The following KCNQ3 variants were observed in gnomAD, a reference collection of about 807,000 sequenced individuals.
The protein encoded by KCNQ3 is potassium voltage-gated channel subfamily Q member 3, also known as potassium voltage-gated channel subfamily KQT member 3.
A neutral mutation model predicts 92.5 loss-of-function variants in KCNQ3; 30 were observed. The observed-to-expected ratio is 0.32, with a 90% CI of 0.24 to 0.44. KCNQ3 has a LOEUF of 0.44. Ranked by LOEUF, KCNQ3 falls within the 20% of genes least tolerant of loss-of-function variation. The pLI is 1.00. For missense variants in KCNQ3, 913 were observed against 1,140.3 expected (o/e 0.80, Z 2.87); for synonymous variants, 450 against 468.8 (o/e 0.96, Z 0.52).
intron 1 of KCNQ3, among the ~76,000 whole-genome samples, chr8:132,368,251 C>T (rs1819377369): frequency 6.6e-6 from 1 of 152,140 alleles, no homozygotes; most frequent in Non-Finnish European, 1.5e-5. Flanking sequence ...TGAGGACTTG[C>T]TATAATAGGA....
chr8:132,291,223 G>C (rs1217567148), intron 1 of KCNQ3, among the ~76,000 whole-genome samples: 1 of 152,200 alleles, frequency 6.6e-6, no homozygotes, highest in African/African-American at 2.4e-5. Context: ...ACACCTAGTG[G>C]CTGAACAATA....
intron 1 of KCNQ3, among the ~76,000 whole-genome samples, chr8:132,335,552 GGT>G (rs1411410898): frequency 1.3e-5 from 2 of 152,158 alleles, no homozygotes; most frequent in African/African-American, 4.8e-5. Flanking sequence ...GGAATTAGAG[GGT>G]GACGGTACAG....
chr8:132,457,227 G>A (rs1416858433), intron 1 of KCNQ3, among the ~76,000 whole-genome samples: 1 of 152,226 alleles, frequency 6.6e-6, no homozygotes, highest in African/African-American at 2.4e-5. Context: ...CCTGCAGAAT[G>A]TGTGACGTTC....
intron 1 of KCNQ3, among the ~76,000 whole-genome samples, chr8:132,332,455 T>C (rs2130664475): frequency 6.6e-6 from 1 of 152,324 alleles, no homozygotes; most frequent in East Asian, 1.9e-4. Flanking sequence ...CTGTGCCACC[T>C]CTACCCCGAG....
intron 3 of KCNQ3, among the ~76,000 whole-genome samples, chr8:132,181,367 T>G (rs972870913): frequency 6.6e-6 from 1 of 152,212 alleles, no homozygotes; most frequent in African/African-American, 2.4e-5. Flanking sequence ...TTTTACAAAA[T>G]TATTAGTGTT....
chr8:132,353,577 G>T (rs751831299), intron 1 of KCNQ3, among the ~76,000 whole-genome samples: 1 of 152,168 alleles, frequency 6.6e-6, no homozygotes, highest in Non-Finnish European at 1.5e-5. Flanking sequence ...TCTTTGGGCA[G>T]CTGAAGCAGG....
intron 1 of KCNQ3, among the ~76,000 whole-genome samples, chr8:132,302,998 A>G (rs930264051): frequency 1.3e-5 from 2 of 152,152 alleles, no homozygotes; most frequent in African/African-American, 4.8e-5. Context: ...ATGACTGCTG[A>G]GGGAAGAAAG....
chr8:132,319,610 G>A (rs961249841), intron 1 of KCNQ3, among the ~76,000 whole-genome samples: 8 of 152,160 alleles, frequency 5.3e-5, no homozygotes, highest in East Asian at 1.9e-4. Flanking sequence ...CGATGGCCCC[G>A]GGAATAAAAG....
At chr8:132,140,961 A>G in intron 10 of KCNQ3, 168 bp downstream of exon 10, 3 of 680,562 alleles carry the variant, frequency 4.4e-6, no homozygotes, top group South Asian at 3.3e-5. Context: ...CCTCAGCCCA[A>G]GGGACAGGAG....
chr8:132,311,962 A>T (rs996868895), intron 1 of KCNQ3, among the ~76,000 whole-genome samples: 5 of 122,766 alleles, frequency 4.1e-5, no homozygotes, highest in Non-Finnish European at 9.2e-5. Context: ...CGTTATAAAC[A>T]GAAGAGGAGA....
At chr8:132,346,090 G>A (rs550423299) in intron 1 of KCNQ3, among the ~76,000 whole-genome samples, 16 of 151,996 alleles carry the variant, frequency 1.1e-4, no homozygotes, top group South Asian at 2.1e-4. Context: ...ACAAGATGAC[G>A]ATGATGATGA....
intron 1 of KCNQ3, among the ~76,000 whole-genome samples, chr8:132,465,413 C>G (rs971028335): frequency 1.4e-5 from 2 of 138,658 alleles, no homozygotes; most frequent in African/African-American, 2.9e-5. Flanking sequence ...CCCGCCTCTA[C>G]AAAAAACAAT....
chr8:132,190,951 T>A (rs1011663144), intron 1 of KCNQ3, among the ~76,000 whole-genome samples: 1 of 152,216 alleles, frequency 6.6e-6, no homozygotes, highest in Non-Finnish European at 1.5e-5. Context: ...CCTCTCTGTA[T>A]CTCAGTGAAT....
At chr8:132,409,946 T>C (rs1820605344) in intron 1 of KCNQ3, among the ~76,000 whole-genome samples, 1 of 152,188 alleles carries the variant, frequency 6.6e-6, no homozygotes, top group African/African-American at 2.4e-5. Flanking sequence ...CACTGAATTT[T>C]TGCCTGTCAA....
chr8:132,154,193 G>GTTTTTTTTTTTTTTTTTTTTTTGTTTT (rs1825727791), intron 9 of KCNQ3, among the ~76,000 whole-genome samples: 1 of 27,452 alleles, frequency 3.6e-5, no homozygotes, highest in African/African-American at 1.5e-4. Flanking sequence ...AAGGGTAAAA[G>GTTTTTTTTTTTTTTTTTTTTTTGTTTT]TTTTTTTTTT....
At chr8:132,221,608 T>C (rs1470082540) in intron 1 of KCNQ3, among the ~76,000 whole-genome samples, 1 of 152,258 alleles carries the variant, frequency 6.6e-6, no homozygotes, top group Non-Finnish European at 1.5e-5. Flanking sequence ...CCTGCATAAA[T>C]GTCTTCTTTT....
chr8:132,332,145 T>C (rs1818250010), intron 1 of KCNQ3, among the ~76,000 whole-genome samples: 1 of 152,190 alleles, frequency 6.6e-6, no homozygotes, highest in Admixed American at 6.5e-5. Flanking sequence ...TCTCTCACTC[T>C]TGCCAGCAGG....
intron 1 of KCNQ3, among the ~76,000 whole-genome samples, chr8:132,292,266 A>C (rs1816880439): frequency 6.6e-6 from 1 of 152,228 alleles, no homozygotes; most frequent in African/African-American, 2.4e-5. Flanking sequence ...AACTGATAAC[A>C]GTGGTTGAAT....
chr8:132,343,054 T>C (rs1163587087), intron 1 of KCNQ3, among the ~76,000 whole-genome samples: 1 of 152,198 alleles, frequency 6.6e-6, no homozygotes, highest in African/African-American at 2.4e-5. Flanking sequence ...GTACACTGAA[T>C]CCACAGCACA....
Sources: allele counts gnomAD v4.1 joint callset (sites outside exome capture counted in the v4.1 genomes callset), GRCh38; gene constraint gnomAD v4.1.1; transcripts MANE v1.5; gene names NCBI Gene and HGNC (gene_info 2026-07-23, HGNC 2026-07-21).